The following RB1CC1 variants were observed in gnomAD, a reference collection of about 807,000 sequenced individuals.
RB1CC1 encodes RB1 inducible coiled-coil 1.
RB1CC1 carries 46 observed loss-of-function variants against 177.5 expected under a neutral mutation model. The observed-to-expected ratio is 0.26, with a 90% confidence interval of 0.20 to 0.33. RB1CC1 has a LOEUF of 0.33. Ranked by LOEUF, RB1CC1 falls within the 10% of genes least tolerant of loss-of-function variation. The pLI, the probability that RB1CC1 is intolerant of heterozygous loss-of-function variation, is 1.00. For synonymous variants in RB1CC1, 666 were observed against 613.6 expected, an observed-to-expected ratio of 1.09 and a Z score of -1.26; for missense variants, 1,703 against 1,816.3, an observed-to-expected ratio of 0.94 and a Z score of 1.13.
Position 52,683,906 on chromosome 8 carries a change from C to A in RB1CC1, c.179G>T (p.Cys60Phe). ...GECMAADRRV[C>F]TYSAGTDTNP... ...ACCTACCGTCCCAGCACTGTAGGTA[C>A]ACACTCTTCGATCTGCAGCCATGCA... The change falls in exon 4 of 24, where the codon TGT (cysteine) becomes TTT (phenylalanine). Residue 60 changes from cysteine (C) to phenylalanine (F), a missense_variant. By Grantham distance (205) the Cys-to-Phe change is radical. Transcript: ENST00000025008. The A allele has an allele frequency of 1.2e-6, 2 of 1,614,108 alleles. No individual in the cohort carries two copies. Among genetic ancestry groups the A allele is most frequent in the Non-Finnish European group, 1.7e-6 (2 of 1,180,024 alleles).
chr8:52,635,247 T>A (rs2150389999), intron 19 of RB1CC1, among the ~76,000 whole-genome samples: 1 of 152,298 alleles, frequency 6.6e-6, no homozygotes, highest in African/African-American at 2.4e-5. Flanking sequence ...AAATCTGAGA[T>A]CTATCCCCAG....
chr8:52,648,643 G>A (rs1277218341), intron 15 of RB1CC1, among the ~76,000 whole-genome samples: 1 of 152,102 alleles, frequency 6.6e-6, no homozygotes, highest in East Asian at 1.9e-4. Flanking sequence ...ACTGTAGATA[G>A]TAACAAACCC....
chr8:52,657,638 C>G lies in RB1CC1; in HGVS notation c.2191G>C (p.Asp731His). The change falls in exon 15 of 24, where the codon GAT becomes CAT. Residue 731 changes from aspartate to histidine, a missense_variant. Coordinates refer to ENST00000025008, the MANE Select transcript of RB1CC1 (RefSeq NM_014781.5). ...LDSLAESPES[D>H]FMSAVNEFVI... Reference sequence around the variant, plus strand: ...AACTCATTCACAGCAGACATAAAATCTGATTCAGGACTTTCTGCTAATGAA... The same window carrying G: ...AACTCATTCACAGCAGACATAAAATGTGATTCAGGACTTTCTGCTAATGAA... 1 of 1,614,094 alleles carries G rather than the reference C, an allele frequency of 6.2e-7. No individual in the cohort carries two copies. The highest frequency in any genetic ancestry group is 1.1e-5 in the South Asian group (1 of 91,078).
Position 52,676,423 on chromosome 8 carries a change from C to T in RB1CC1, c.518G>A (p.Ser173Asn). 1 of 1,612,994 alleles carries T rather than the reference C, an allele frequency of 6.2e-7. No homozygotes were observed. Among genetic ancestry groups the T allele is most frequent in the Non-Finnish European group, 8.5e-7 (1 of 1,179,442 alleles). ...SYQKLLFKFE[S>N]IYSNYLQSIE... The stretch of plus-strand genomic sequence containing the variant: ...GGACTGCAGATAATTTGAATAAATA[C>T]TTTCAAACTTGAAAAGTAGCTTTTG... The change falls in exon 6 of 24, where the codon AGT becomes AAT. Residue 173 changes from serine to asparagine, a missense_variant. Transcript: ENST00000025008.
At position 52,630,308 on chromosome 8, in the gene RB1CC1, T is replaced by C. The variant is rs558298556; in HGVS notation, c.4499+162A>G. Among the ~76,000 whole-genome samples the C allele has an allele frequency of 5.3e-5, 8 of 152,250 alleles. No individual in the cohort carries two copies. In the South Asian group the frequency reaches 1.5e-3, roughly 28 times the overall value. On this transcript the variant is annotated intron_variant, in intron 21 of 23. Coordinates refer to ENST00000025008, the MANE Select transcript of RB1CC1 (RefSeq NM_014781.5). Reference sequence around the variant, plus strand: ...TCTAAATGTTTCCAGAATAACAATTTAGAAAAATCCTGCTTTCCAGTAAAA... The same window carrying C: ...TCTAAATGTTTCCAGAATAACAATTCAGAAAAATCCTGCTTTCCAGTAAAA...
Position 52,683,689 on chromosome 8 carries a change from C to T in RB1CC1, c.229G>A (p.Glu77Lys). Residue 77 changes from glutamate (E) to lysine (K), a missense_variant, in exon 5 of 24, where the codon GAA becomes AAA. By Grantham distance (56) the Glu-to-Lys change is moderately conservative. Transcript: ENST00000025008. ...GGTGGACGATCACATAAGATCATTT[C>T]TTTGTTAAAAAGAAAAATTGGATTT... ...DTNPIFLFNK[E>K]MILCDRPPAI... 2 of 1,589,418 alleles carry T rather than the reference C, an allele frequency of 1.3e-6. No individual in the cohort carries two copies. The highest frequency in any genetic ancestry group is 1.7e-6 in the Non-Finnish European group (2 of 1,170,668).
chr8:52,623,553 A>G lies in RB1CC1; in HGVS notation c.*229T>C. The stretch of plus-strand genomic sequence containing the variant: ...TCCGCATTTCTAGAGTTGTCTGGGT[A>G]AAAAAAAAAACCAAAAAACAAAAAC... On this transcript the variant is annotated 3_prime_UTR_variant, in exon 24 of 24. Transcript: ENST00000025008. 1 of 353,494 alleles carries G rather than the reference A, an allele frequency of 2.8e-6. No individual in the cohort carries two copies. Among genetic ancestry groups the G allele is most frequent in the Non-Finnish European group, 5.4e-6 (1 of 184,880 alleles). 21.9% of individuals were successfully genotyped at this position (353,494 alleles called of 1,614,324 possible). A position where few individuals can be genotyped will look rare whatever the true frequency, so the allele number is the denominator to read the frequency against.
intron 5 of RB1CC1, among the ~76,000 whole-genome samples, chr8:52,677,904 C>T (rs575347355): frequency 3.3e-4 from 50 of 152,036 alleles, no homozygotes; most frequent in Non-Finnish European, 5.9e-4. Flanking sequence ...CTGTTGGGTA[C>T]ATTAAAGCAA....
At chr8:52,683,217 G>C (rs1238976471) in intron 5 of RB1CC1, among the ~76,000 whole-genome samples, 2 of 152,112 alleles carry the variant, frequency 1.3e-5, no homozygotes, top group African/African-American at 4.8e-5. Flanking sequence ...TACATTTTTA[G>C]AGCTATTTAA....
chr8:52,631,148 G>A (rs927064450), intron 20 of RB1CC1, among the ~76,000 whole-genome samples: 8 of 152,166 alleles, frequency 5.3e-5, no homozygotes, highest in African/African-American at 1.9e-4. Flanking sequence ...AGAAGGCAGA[G>A]GGGAGAAGGG....
chr8:52,658,186 A>G (rs1246426847), intron 13 of RB1CC1, 62 bp from the exon 14 acceptor site: 2 of 1,486,396 alleles, frequency 1.3e-6, no homozygotes, highest in Non-Finnish European at 1.8e-6. Flanking sequence ...GATAACTGCT[A>G]CCAAATATTT....
chr8:52,688,215 G>A (rs1854460364), intron 1 of RB1CC1, among the ~76,000 whole-genome samples: 2 of 152,108 alleles, frequency 1.3e-5, no homozygotes, highest in South Asian at 4.1e-4. Flanking sequence ...GGGAACAAGG[G>A]AAGACAACCA....
chr8:52,669,139 T>G (rs1456282348), intron 7 of RB1CC1, among the ~76,000 whole-genome samples: 2 of 152,224 alleles, frequency 1.3e-5, no homozygotes, highest in Non-Finnish European at 2.9e-5. Context: ...GTAGCAACCA[T>G]GAAACCTTCT....
chr8:52,633,190 C>G (rs963441504), intron 20 of RB1CC1, among the ~76,000 whole-genome samples: 20 of 152,228 alleles, frequency 1.3e-4, no homozygotes, highest in African/African-American at 4.8e-4. Context: ...CACGTCAGGA[C>G]CTCCCGAGGC....
At chr8:52,646,323 A>C (rs112663999) in intron 15 of RB1CC1, among the ~76,000 whole-genome samples, 33 of 152,242 alleles carry the variant, frequency 2.2e-4, no homozygotes, top group East Asian at 7.7e-4. Context: ...CAAACAACAA[A>C]AAAAAACAAC....
chr8:52,626,730 A>G (rs775678476), intron 22 of RB1CC1, among the ~76,000 whole-genome samples: 1 of 152,196 alleles, frequency 6.6e-6, no homozygotes, highest in Non-Finnish European at 1.5e-5. Context: ...GTTATAAGCT[A>G]TCTTCTCATT....
chr8:52,675,103 A>G (rs1852975900), intron 6 of RB1CC1, among the ~76,000 whole-genome samples: 1 of 152,178 alleles, frequency 6.6e-6, no homozygotes, highest in African/African-American at 2.4e-5. Flanking sequence ...TCCCTACTTT[A>G]AACTGATACA....
rs751619561 is a variant in RB1CC1 at position 52,657,733 on chromosome 8, G to A, written c.2096C>T (p.Thr699Met). 19 of 1,614,000 alleles carry A rather than the reference G, an allele frequency of 1.2e-5. No individual in the cohort carries two copies. Among genetic ancestry groups the A allele is most frequent in the Middle Eastern group, 1.6e-4 (1 of 6,062 alleles). Reference protein sequence around the residue: ...ELSPDSIDAHTFDFETIPHPN... With the variant: ...ELSPDSIDAHMFDFETIPHPN... ...ATGGGGAATAGTTTCAAAATCAAAC[G>A]TATGTGCATCAATACTATCTGGAGA... The change falls in exon 15 of 24, where the codon ACG becomes ATG. Residue 699 changes from threonine (T) to methionine (M), a missense_variant. Physicochemically the swap from Thr to Met is moderately conservative, Grantham distance 81. This residue lies in a region of RB1CC1 where 1,169 missense variants were observed against 1,184.7 expected (regional missense o/e 0.99). Coordinates refer to ENST00000025008, the MANE Select transcript of RB1CC1 (RefSeq NM_014781.5).
chr8:52,656,565 G>T lies in RB1CC1; in HGVS notation c.3264C>A (p.Thr1088=), dbSNP rs374774118. 3.1e-6 allele frequency: 5 copies of T among 1,610,794 alleles called. No individual in the cohort carries two copies. In the African/African-American group the frequency reaches 5.4e-5, roughly 17 times the overall value. ...LEESRAQQKE[T]LKSLLEQETE... Reference sequence around the variant, plus strand: ...TCTCTTGTTCAAGAAGAGATTTCAAGGTCTCCTTCTGCTGGGCTCTGCTTT... The same window carrying T: ...TCTCTTGTTCAAGAAGAGATTTCAATGTCTCCTTCTGCTGGGCTCTGCTTT... Residue 1088 remains threonine, a synonymous_variant, in exon 15 of 24, where the codon ACC becomes ACA. Coordinates refer to ENST00000025008, the MANE Select transcript of RB1CC1 (RefSeq NM_014781.5).
Sources: gnomAD v4.1 joint callset for allele counts (sites outside exome capture counted in the v4.1 genomes callset) on GRCh38, gnomAD v4.1.1 for gene constraint, gnomAD v4.1.1 regional missense constraint, MANE v1.5 for transcripts, NCBI Gene and HGNC (gene_info 2026-07-23, HGNC 2026-07-21) for gene names.